The following TMEFF2 variants were observed in gnomAD, a reference collection of about 807,000 sequenced individuals.
TMEFF2 encodes the protein transmembrane protein with EGF like and two follistatin like domains 2.
Under a neutral mutation model 53.8 loss-of-function variants are expected in TMEFF2, and 28 were observed. That is an observed-to-expected ratio of 0.52 (90% CI 0.39 to 0.71). The LOEUF (loss-of-function observed/expected upper bound fraction) is 0.71, where lower values mean the gene tolerates loss of function less well. Ranked by LOEUF, TMEFF2 falls within the 30% of genes least tolerant of loss-of-function variation. The pLI is 0.00. For synonymous variants in TMEFF2, 162 were observed against 166.3 expected (o/e 0.97, Z 0.20); for missense variants, 353 against 455.2 (o/e 0.78, Z 2.04).
At chr2:192,110,744 A>G (rs1328830233) in intron 4 of TMEFF2, among the ~76,000 whole-genome samples, 1 of 152,152 alleles carries the variant, frequency 6.6e-6, no homozygotes, top group Non-Finnish European at 1.5e-5. Context: ...TTTTGCATTT[A>G]CATAGTTGAT....
intron 4 of TMEFF2, among the ~76,000 whole-genome samples, chr2:192,118,419 G>A (rs1243929962): frequency 6.6e-6 from 1 of 152,164 alleles, no homozygotes. Flanking sequence ...AGTTTCGACA[G>A]AGAAAATTGC....
chr2:192,182,804 G>A (rs1463237446), intron 3 of TMEFF2, among the ~76,000 whole-genome samples: 1 of 151,840 alleles, frequency 6.6e-6, no homozygotes, highest in Admixed American at 6.6e-5. Flanking sequence ...TGGTTCCTGG[G>A]ATTTTACTTT....
chr2:191,953,285 A>G (rs1426429808), intron 9 of TMEFF2, among the ~76,000 whole-genome samples: 1 of 152,254 alleles, frequency 6.6e-6, no homozygotes, highest in Non-Finnish European at 1.5e-5. Flanking sequence ...TTCATTTACC[A>G]TAAAAGTACA....
rs576734663 is a variant in TMEFF2, at chr2:192,031,293, C to T, written c.536+26386G>A. On this transcript the variant is annotated intron_variant, in intron 5 of 9. Coordinates refer to ENST00000272771, the MANE Select transcript of TMEFF2 (RefSeq NM_016192.4). ...ATGTTTTCCTAATAGAAGGTAAGCT[C>T]AATAATGGAACTTTTTATCTGTTTT... is the stretch of plus-strand genomic sequence containing the variant. 16 of 152,194 alleles carry T rather than the reference C, an allele frequency of 1.1e-4. No individual in the cohort carries two copies. The East Asian group carries it at 2.1e-3, about 20-fold the overall frequency. The allele number at this position is 152,194 out of a possible 1,614,324, so 9.4% of individuals were successfully genotyped here.
chr2:192,070,614 A>G (rs1688273137), intron 4 of TMEFF2, among the ~76,000 whole-genome samples: 1 of 151,824 alleles, frequency 6.6e-6, no homozygotes, highest in African/African-American at 2.4e-5. Flanking sequence ...TTATGCTGCA[A>G]TTATACTTGT....
At chr2:192,101,818 G>A (rs1689037473) in intron 4 of TMEFF2, among the ~76,000 whole-genome samples, 1 of 152,110 alleles carries the variant, frequency 6.6e-6, no homozygotes, top group Non-Finnish European at 1.5e-5. Flanking sequence ...GAAATATTAG[G>A]CAACCTAAAG....
intron 4 of TMEFF2, among the ~76,000 whole-genome samples, chr2:192,124,155 A>G (rs1282952909): frequency 6.6e-6 from 1 of 152,218 alleles, no homozygotes; most frequent in East Asian, 1.9e-4. Flanking sequence ...TCTCATCCAG[A>G]GCATTTGGAT....
intron 4 of TMEFF2, among the ~76,000 whole-genome samples, chr2:192,165,021 C>A (rs927047570): frequency 1.1e-5 from 1 of 89,318 alleles, no homozygotes. Flanking sequence ...CCTGTGCACA[C>A]ATACTTGCAT....
chr2:191,986,002 G>A (rs534916056), intron 7 of TMEFF2, among the ~76,000 whole-genome samples: 6 of 152,220 alleles, frequency 3.9e-5, no homozygotes, highest in South Asian at 4.1e-4. Flanking sequence ...CAGGTTCCCC[G>A]TCTCCTTGAG....
At chr2:192,098,763 A>C (rs1355857528) in intron 4 of TMEFF2, among the ~76,000 whole-genome samples, 1 of 152,190 alleles carries the variant, frequency 6.6e-6, no homozygotes, top group Non-Finnish European at 1.5e-5. Context: ...GGCTAAAAGC[A>C]CATCTTTGCC....
At chr2:191,972,348 A>AGAT (rs1170886948) in intron 7 of TMEFF2, among the ~76,000 whole-genome samples, 1 of 113,258 alleles carries the variant, frequency 8.8e-6, no homozygotes, top group Non-Finnish European at 1.7e-5. Context: ...ATTTTTGTAG[A>AGAT]GATGGAGTTT....
chr2:192,035,475 C>T (rs756524765), intron 5 of TMEFF2: 16 of 152,148 alleles, frequency 1.1e-4, no homozygotes, highest in Non-Finnish European at 1.6e-4. Flanking sequence ...TTTAATTAAA[C>T]AAATGGAAGA....
intron 3 of TMEFF2, among the ~76,000 whole-genome samples, chr2:192,183,902 T>G (rs72920031): frequency 0.014 from 2,081 of 152,212 alleles, 22 homozygotes; most frequent in Non-Finnish European, 0.02. Flanking sequence ...AAGACCATTT[T>G]GTAGAGCTGC....
chr2:191,977,054 G>A (rs1263199623), intron 7 of TMEFF2, among the ~76,000 whole-genome samples: 2 of 152,220 alleles, frequency 1.3e-5, no homozygotes, highest in Non-Finnish European at 2.9e-5. Flanking sequence ...CTGGCACATA[G>A]TAAGTGCTCA....
intron 4 of TMEFF2, among the ~76,000 whole-genome samples, chr2:192,170,141 C>T (rs1690871715): frequency 6.6e-6 from 1 of 152,052 alleles, no homozygotes; most frequent in African/African-American, 2.4e-5. Context: ...GTAAAACTCT[C>T]TAACCCTTAA....
intron 4 of TMEFF2, among the ~76,000 whole-genome samples, chr2:192,100,502 C>T (rs934038007): frequency 1.3e-5 from 2 of 152,148 alleles, no homozygotes; most frequent in African/African-American, 4.8e-5. Context: ...TATCTTCACT[C>T]ACTACTACTG....
At chr2:192,117,404 A>T (rs1418630218) in intron 4 of TMEFF2, among the ~76,000 whole-genome samples, 5 of 152,210 alleles carry the variant, frequency 3.3e-5, no homozygotes, top group Admixed American at 3.3e-4. Flanking sequence ...AGGTAGAAGT[A>T]AAAGATTCCT....
chr2:192,044,399 G>A (rs1014374390), intron 5 of TMEFF2: 3 of 152,122 alleles, frequency 2.0e-5, no homozygotes, highest in African/African-American at 7.2e-5. Context: ...TTACTTCTAA[G>A]GTAAAGGATA....
chr2:192,031,203 T>C (rs1687127121), intron 5 of TMEFF2: 1 of 152,222 alleles, frequency 6.6e-6, no homozygotes, highest in African/African-American at 2.4e-5. Context: ...CTGTGTCACT[T>C]CTACACTATT....
Sources: allele counts gnomAD v4.1 joint callset (sites outside exome capture counted in the v4.1 genomes callset), GRCh38; gene constraint gnomAD v4.1.1; transcripts MANE v1.5; gene names NCBI Gene and HGNC (gene_info 2026-07-23, HGNC 2026-07-21).